The following FOXP1 variants were observed in gnomAD, a reference collection of about 807,000 sequenced individuals.
The protein encoded by FOXP1 is forkhead box P1.
A neutral mutation model predicts 98.2 loss-of-function variants in FOXP1; 15 were observed. That is an observed-to-expected ratio of 0.15 (90% CI 0.10 to 0.24). The LOEUF (loss-of-function observed/expected upper bound fraction) is 0.24. Ranked by LOEUF, FOXP1 falls within the 10% of genes least tolerant of loss-of-function variation. FOXP1 has a pLI of 1.00. For missense variants in FOXP1, 633 were observed against 848.5 expected (o/e 0.75, Z 3.15); for synonymous variants, 371 against 314.5 (o/e 1.18, Z -1.90).
At chr3:71,332,144 T>C (rs2076363604) in intron 4 of FOXP1, 2 of 152,282 alleles carry the variant, frequency 1.3e-5, no homozygotes. Context: ...TAAATCTTGC[T>C]ATTGCTCACT....
intron 3 of FOXP1, among the ~76,000 whole-genome samples, chr3:71,369,933 G>C (rs2079180475): frequency 6.6e-6 from 1 of 152,170 alleles, no homozygotes; most frequent in African/African-American, 2.4e-5. Flanking sequence ...ACTAACAAAA[G>C]CACATGGGAA....
intron 3 of FOXP1, among the ~76,000 whole-genome samples, chr3:71,437,023 G>A (rs1577504255): frequency 1.3e-5 from 2 of 152,122 alleles, no homozygotes; most frequent in East Asian, 3.9e-4. Flanking sequence ...AGCTGATTGA[G>A]AACAAACTTG....
intron 3 of FOXP1, among the ~76,000 whole-genome samples, chr3:71,463,809 C>G (rs1302778031): frequency 6.6e-6 from 1 of 152,020 alleles, no homozygotes; most frequent in Non-Finnish European, 1.5e-5. Flanking sequence ...TGGCTAGGAC[C>G]AAGAACAGCA....
chr3:71,167,601 G>C (rs1290890100), intron 6 of FOXP1, among the ~76,000 whole-genome samples: 1 of 152,156 alleles, frequency 6.6e-6, no homozygotes, highest in African/African-American at 2.4e-5. Flanking sequence ...CTCTGACACT[G>C]TGTGTCAGTG....
At chr3:71,516,077 C>T (rs183731507) in intron 2 of FOXP1, among the ~76,000 whole-genome samples, 43 of 152,246 alleles carry the variant, frequency 2.8e-4, no homozygotes, top group African/African-American at 1.0e-3. Flanking sequence ...CTGGACTAGG[C>T]AAAACAACAG....
rs2031486848 is a variant in FOXP1, at chr3:70,955,215, CTA to C, written c.*4030_*4031del. 4.3e-6 allele frequency: 1 copy of C among 232,328 alleles called. No homozygotes were observed. The highest frequency in any genetic ancestry group is 2.2e-5 in the African/African-American group (1 of 45,260). 14.4% of individuals were successfully genotyped at this position (232,328 alleles called of 1,614,324 possible). The stretch of plus-strand genomic sequence containing the variant: ...AAAAGAGAGGAAATATTTTTTAACT[CTA>C]TTTTTTTTCATGAGGAAAAAAAAGC... On this transcript the variant is annotated 3_prime_UTR_variant, in exon 21 of 21. Transcript: ENST00000649528.
intron 7 of FOXP1, among the ~76,000 whole-genome samples, chr3:71,097,564 T>C (rs1293226700): frequency 2.0e-5 from 3 of 152,160 alleles, no homozygotes; most frequent in African/African-American, 4.8e-5. Context: ...AGTTTATACA[T>C]ACAAACTTGA....
At chr3:71,499,443 C>T (rs1051891491) in intron 2 of FOXP1, among the ~76,000 whole-genome samples, 4 of 152,226 alleles carry the variant, frequency 2.6e-5, no homozygotes, top group African/African-American at 4.8e-5. Context: ...CATATAAACA[C>T]GCACAAGTAT....
chr3:71,469,278 A>AAG (rs2089089572), intron 3 of FOXP1, among the ~76,000 whole-genome samples: 2 of 152,212 alleles, frequency 1.3e-5, no homozygotes, highest in Non-Finnish European at 2.9e-5. Context: ...CACTGTTTCC[A>AAG]TAGTAACCAA....
At chr3:71,010,165 T>C (rs1180308493) in intron 12 of FOXP1, among the ~76,000 whole-genome samples, 1 of 152,130 alleles carries the variant, frequency 6.6e-6, no homozygotes, top group African/African-American at 2.4e-5. Context: ...AACATATTAA[T>C]AATGTCCTCA....
upstream of FOXP1, chr3:71,583,746 C>G (rs1006066323): frequency 6.1e-6 from 6 of 985,578 alleles, no homozygotes; most frequent in African/African-American, 7.0e-5. Context: ...AACCGCCACA[C>G]AATAAATAAC....
At chr3:71,558,008 G>C (rs11718871) in intron 2 of FOXP1, among the ~76,000 whole-genome samples, 46,438 of 152,002 alleles carry the variant, frequency 0.31, 8,461 homozygotes, top group Non-Finnish European at 0.42. Flanking sequence ...GTAGAGACGG[G>C]GTTTCACTAT....
intron 4 of FOXP1, among the ~76,000 whole-genome samples, chr3:71,338,614 G>A (rs1324019950): frequency 2.0e-5 from 3 of 152,088 alleles, no homozygotes; most frequent in Non-Finnish European, 2.9e-5. Flanking sequence ...ATTTTTCGTA[G>A]AGGCGGGGTT....
At chr3:71,331,705 G>A (rs968287913) in intron 4 of FOXP1, among the ~76,000 whole-genome samples, 8 of 148,760 alleles carry the variant, frequency 5.4e-5, no homozygotes, top group Non-Finnish European at 8.9e-5. Flanking sequence ...TGGACCAATC[G>A]GCACTCTGCA....
chr3:71,537,756 GCA>G (rs1243948015), intron 2 of FOXP1, among the ~76,000 whole-genome samples: 1 of 152,200 alleles, frequency 6.6e-6, no homozygotes, highest in Non-Finnish European at 1.5e-5. Context: ...TGTAGCAACA[GCA>G]CAGAGGTTGG....
chr3:70,972,467 C>A, intron 18 of FOXP1, 88 bp downstream of exon 18: 1 of 1,571,096 alleles, frequency 6.4e-7, no homozygotes, highest in South Asian at 1.1e-5. Flanking sequence ...GTTCTTTGGT[C>A]TAACACCATC....
chr3:71,271,586 G>T (rs557411271), intron 5 of FOXP1, among the ~76,000 whole-genome samples: 6 of 152,260 alleles, frequency 3.9e-5, no homozygotes, highest in South Asian at 4.1e-4. Flanking sequence ...CACATCAAGA[G>T]AACTTAATTC....
chr3:71,349,642 A>C (rs200535058), intron 4 of FOXP1, among the ~76,000 whole-genome samples: 1 of 52,154 alleles, frequency 1.9e-5, no homozygotes, highest in Admixed American at 3.6e-4. Context: ...ATGCAAAAAT[A>C]AAAAAAAAAA....
At chr3:71,509,597 G>C (rs1399178264) in intron 2 of FOXP1, among the ~76,000 whole-genome samples, 1 of 152,190 alleles carries the variant, frequency 6.6e-6, no homozygotes, top group Non-Finnish European at 1.5e-5. Context: ...CTCACCTCCT[G>C]AAAGGACAAG....
Sources: gnomAD v4.1 joint callset for allele counts (sites outside exome capture counted in the v4.1 genomes callset) on GRCh38, gnomAD v4.1.1 for gene constraint, MANE v1.5 for transcripts, NCBI Gene and HGNC (gene_info 2026-07-23, HGNC 2026-07-21) for gene names.